SYT17: variants seen among roughly 807,000 people sequenced by gnomAD.
SYT17 encodes the protein synaptotagmin 17.
A neutral mutation model predicts 46.7 loss-of-function variants in SYT17; 22 were observed. The observed-to-expected ratio is 0.47, with a 90% CI of 0.34 to 0.67. SYT17 has a LOEUF of 0.67. Among genes scored for constraint, SYT17 ranks in the 30% least tolerant of loss-of-function variants. The pLI, the probability that SYT17 is intolerant of heterozygous loss-of-function variation, is 0.01. For missense variants in SYT17, 519 were observed against 612.8 expected (o/e 0.85, Z 1.62); for synonymous variants, 251 against 248.4 (o/e 1.01, Z -0.10).
At position 19,168,825 on chromosome 16, in the gene SYT17, G is replaced by A. The variant is rs1277247035; in HGVS notation, c.15+164G>A. ...GCAACCTGTGCAGCAACAGGGGTGCGCCCCGGGAGGAGAGACTGGGGACCC... is the reference window on the plus strand; with the variant it reads ...GCAACCTGTGCAGCAACAGGGGTGCACCCCGGGAGGAGAGACTGGGGACCC... On this transcript the variant is annotated intron_variant, in intron 1 of 7. Transcript: ENST00000355377. The surrounding 1 kb of genome is among the most constrained non-coding windows in gnomAD (Gnocchi z 6.9). Among the ~76,000 whole-genome samples, 1 of 152,146 alleles carries A rather than the reference G, an allele frequency of 6.6e-6. No individual in the cohort carries two copies. The highest frequency in any genetic ancestry group is 2.1e-4 in the South Asian group (1 of 4,834).
intron 7 of SYT17, among the ~76,000 whole-genome samples, chr16:19,231,130 A>G (rs1274771156): frequency 6.6e-6 from 1 of 152,214 alleles, no homozygotes; most frequent in Non-Finnish European, 1.5e-5. Flanking sequence ...GATGTTAGAG[A>G]AAGGCCATCT....
At chr16:19,190,450 C>T (rs1255973093) in intron 5 of SYT17, among the ~76,000 whole-genome samples, 1 of 152,092 alleles carries the variant, frequency 6.6e-6, no homozygotes, top group Non-Finnish European at 1.5e-5. Context: ...ACCATTTTTG[C>T]CTGTACAGTT....
chr16:19,211,471 G>A, intron 5 of SYT17: 2 of 703,878 alleles, frequency 2.8e-6, no homozygotes. Flanking sequence ...CAAGTACCGT[G>A]AAGGAAATGA....
intron 5 of SYT17, among the ~76,000 whole-genome samples, chr16:19,184,814 A>T (rs1046597426): frequency 6.6e-6 from 1 of 152,140 alleles, no homozygotes; most frequent in Non-Finnish European, 1.5e-5. Context: ...GACTTTCAGA[A>T]ATTGATTTTT....
rs192915839 is a variant in SYT17, at chr16:19,173,272, C to T, written c.34-158C>T. 560 of 567,560 alleles carry T rather than the reference C, an allele frequency of 9.9e-4. 1 individual carries two copies. Among genetic ancestry groups the T allele is most frequent in the Non-Finnish European group, 1.5e-3 (507 of 327,838 alleles). The allele number at this position is 567,560 out of a possible 1,614,324, so 35.2% of individuals were successfully genotyped here. ...AAATAGAAATGGAAAACATTTTGTT[C>T]TAAGTGCTGAGCAGCAGAGCCAGAA... On this transcript the variant is annotated intron_variant, in intron 2 of 7. Coordinates refer to ENST00000355377, the MANE Select transcript of SYT17 (RefSeq NM_016524.4).
intron 7 of SYT17, among the ~76,000 whole-genome samples, chr16:19,258,606 C>T (rs543631882): frequency 3.3e-5 from 5 of 152,222 alleles, no homozygotes; most frequent in South Asian, 2.1e-4. Context: ...CATACCACTG[C>T]ACTCCAGCCT....
chr16:19,247,541 A>G (rs1967672086), intron 7 of SYT17, among the ~76,000 whole-genome samples: 1 of 152,192 alleles, frequency 6.6e-6, no homozygotes, highest in South Asian at 2.1e-4. Flanking sequence ...CAGTGGCACA[A>G]TTTTTACTTT....
rs962868904 is a variant in SYT17 at position 19,182,418 on chromosome 16, T to C, written c.332-1110T>C. Among the ~76,000 whole-genome samples, 4 of 152,318 alleles carry C rather than the reference T, an allele frequency of 2.6e-5. No homozygotes were observed. The South Asian group carries it at 8.3e-4, about 32-fold the overall frequency. On this transcript the variant is annotated intron_variant, in intron 4 of 7. Transcript: ENST00000355377. The stretch of plus-strand genomic sequence containing the variant: ...GATAGAGCAAGACTCTGTCTCAAAA[T>C]AAATAAATAAAATTAAATGAATTTT...
chr16:19,194,515 A>T (rs1459856692), intron 5 of SYT17, among the ~76,000 whole-genome samples: 6 of 152,226 alleles, frequency 3.9e-5, no homozygotes, highest in Non-Finnish European at 5.9e-5. Flanking sequence ...GCTGATGTAC[A>T]GGAAAAGGTT....
chr16:19,245,095 A>G (rs942656421), intron 7 of SYT17, among the ~76,000 whole-genome samples: 2 of 152,066 alleles, frequency 1.3e-5, no homozygotes, highest in Non-Finnish European at 2.9e-5. Flanking sequence ...ACAGTGGGGG[A>G]ATCTCATGCC....
At chr16:19,170,389 T>C (rs1964035811) in intron 1 of SYT17, 1 of 152,218 alleles carries the variant, frequency 6.6e-6, no homozygotes, top group Non-Finnish European at 1.5e-5. Flanking sequence ...GGGCTGGTTT[T>C]GATCTGCGAG....
rs1567195586 is a variant in SYT17 at position 19,172,460 on chromosome 16, G to A, written c.16-300G>A. Reference sequence around the variant, plus strand: ...CATTGGATAGCATGACTATCTATCCGCCCGCTCTGATTCATAACAGCATAC... The same window carrying A: ...CATTGGATAGCATGACTATCTATCCACCCGCTCTGATTCATAACAGCATAC... On this transcript the variant is annotated intron_variant, in intron 1 of 7. Coordinates refer to ENST00000355377, the MANE Select transcript of SYT17 (RefSeq NM_016524.4). 21 of 1,450,132 alleles carry A rather than the reference G, an allele frequency of 1.4e-5. No homozygotes were observed. In the Middle Eastern group the frequency reaches 5.4e-4, roughly 37 times the overall value. 89.8% of individuals were successfully genotyped at this position (1,450,132 alleles called of 1,614,324 possible). A position where few individuals can be genotyped will look rare whatever the true frequency, so the allele number is the denominator to read the frequency against.
At chr16:19,219,124 C>G (rs1358915184) in intron 5 of SYT17, among the ~76,000 whole-genome samples, 1 of 51,048 alleles carries the variant, frequency 2.0e-5, no homozygotes, top group African/African-American at 1.4e-4. Flanking sequence ...AAAACAAGGC[C>G]GGGCGCGGTG....
chr16:19,170,767 A>T (rs540791973), intron 1 of SYT17: 8 of 152,208 alleles, frequency 5.3e-5, no homozygotes, highest in Non-Finnish European at 2.9e-5. Context: ...AAAAAGTATC[A>T]CTTTATCCTA....
intron 7 of SYT17, among the ~76,000 whole-genome samples, chr16:19,262,724 G>C (rs6497338): frequency 6.6e-6 from 1 of 152,008 alleles, no homozygotes; most frequent in Admixed American, 6.6e-5. Flanking sequence ...CTGACCATCT[G>C]GGTAGCTGAG....
chr16:19,236,386 A>G (rs1966848330), intron 7 of SYT17, among the ~76,000 whole-genome samples: 1 of 152,164 alleles, frequency 6.6e-6, no homozygotes, highest in Non-Finnish European at 1.5e-5. Flanking sequence ...GGAAACTCGA[A>G]GCTTAGGGAC....
At chr16:19,265,140 C>A (rs893984727) in intron 7 of SYT17, among the ~76,000 whole-genome samples, 1 of 152,188 alleles carries the variant, frequency 6.6e-6, no homozygotes, top group Non-Finnish European at 1.5e-5. Flanking sequence ...CCTTACACTG[C>A]CCACTAAGTG....
At chr16:19,243,971 A>G (rs537707304) in intron 7 of SYT17, among the ~76,000 whole-genome samples, 2 of 152,244 alleles carry the variant, frequency 1.3e-5, no homozygotes, top group African/African-American at 4.8e-5. Flanking sequence ...CCAAGTTATT[A>G]AGTGTGGCTT....
At chr16:19,211,663 G>A (rs555819450) in intron 5 of SYT17, among the ~76,000 whole-genome samples, 10 of 150,662 alleles carry the variant, frequency 6.6e-5, no homozygotes, top group East Asian at 2.0e-4. Flanking sequence ...CTCTGTCGCC[G>A]AGGCTGGAGT....
Sources: gnomAD v4.1 joint callset for allele counts (sites outside exome capture counted in the v4.1 genomes callset) on GRCh38, gnomAD v4.1.1 for gene constraint, Gnocchi (gnomAD v3.1) non-coding constraint, MANE v1.5 for transcripts, NCBI Gene and HGNC (gene_info 2026-07-23, HGNC 2026-07-21) for gene names.